The following RBMS1 variants were observed in gnomAD, a reference collection of about 807,000 sequenced individuals.
RBMS1 encodes the protein RNA-binding motif, single-stranded-interacting protein 1.
Under a neutral mutation model 62.3 loss-of-function variants are expected in RBMS1, and 17 were observed. The ratio of observed to expected loss-of-function variants is 0.27; its 90% CI spans 0.19 to 0.41. RBMS1 has a LOEUF of 0.41. RBMS1 is among the 10% of genes least tolerant of loss of function. The probability of loss-of-function intolerance (pLI) is 1.00; values close to 1 mark genes in which losing one functional copy is unlikely to be tolerated. For missense variants in RBMS1, 334 were observed against 504.5 expected (o/e 0.66, Z 3.24); for synonymous variants, 172 against 170.0 (o/e 1.01, Z -0.09).
At chr2:160,355,178 G>C (rs1348842796) in intron 2 of RBMS1, among the ~76,000 whole-genome samples, 1 of 152,072 alleles carries the variant, frequency 6.6e-6, no homozygotes, top group Non-Finnish European at 1.5e-5. Context: ...GACCATACAG[G>C]CTATCTCGAC....
At chr2:160,426,846 G>T (rs1682652612) in intron 1 of RBMS1, among the ~76,000 whole-genome samples, 1 of 139,690 alleles carries the variant, frequency 7.2e-6, no homozygotes, top group Non-Finnish European at 1.6e-5. Context: ...GGAGGGAGGG[G>T]AGCATGTCAG....
At chr2:160,407,224 G>C (rs913791690) in intron 1 of RBMS1, among the ~76,000 whole-genome samples, 14 of 152,090 alleles carry the variant, frequency 9.2e-5, no homozygotes, top group African/African-American at 3.1e-4. Flanking sequence ...TGCCCTCGCC[G>C]GCTCTCCGCT....
chr2:160,285,390 A>C (rs532885768), intron 7 of RBMS1, among the ~76,000 whole-genome samples: 41 of 152,300 alleles, frequency 2.7e-4, no homozygotes, highest in Non-Finnish European at 4.4e-4. Flanking sequence ...GTCCCATGTG[A>C]TAGTCATAAG....
chr2:160,344,481 T>C (rs939337477), intron 2 of RBMS1, among the ~76,000 whole-genome samples: 35 of 152,320 alleles, frequency 2.3e-4, no homozygotes, highest in African/African-American at 7.9e-4. Context: ...TTTTTTGTTG[T>C]TGTTATTTCT....
chr2:160,404,181 TC>T (rs1695576351), intron 1 of RBMS1, among the ~76,000 whole-genome samples: 1 of 152,214 alleles, frequency 6.6e-6, no homozygotes, highest in Non-Finnish European at 1.5e-5. Flanking sequence ...TACTCGGTTA[TC>T]ACTCCATTCA....
chr2:160,428,003 G>A (rs1186577074), intron 1 of RBMS1, among the ~76,000 whole-genome samples: 1 of 147,672 alleles, frequency 6.8e-6, no homozygotes, highest in African/African-American at 2.7e-5. Context: ...TCTGGTCTCT[G>A]TTTGTTAGTT....
intron 6 of RBMS1, among the ~76,000 whole-genome samples, chr2:160,294,449 G>C (rs1303918161): frequency 6.6e-6 from 1 of 152,144 alleles, no homozygotes; most frequent in East Asian, 1.9e-4. Flanking sequence ...TGCCACTCGG[G>C]TATGGAAAGA....
chr2:160,284,740 T>C, intron 9 of RBMS1, 35 bp downstream of exon 9: 1 of 1,414,724 alleles, frequency 7.1e-7, no homozygotes, highest in Admixed American at 1.7e-5. Flanking sequence ...GGTCCGCAAG[T>C]GGTTATACTG....
At chr2:160,348,634 C>A (rs747257223) in intron 2 of RBMS1, among the ~76,000 whole-genome samples, 5 of 152,120 alleles carry the variant, frequency 3.3e-5, no homozygotes, top group Non-Finnish European at 7.4e-5. Context: ...TCAAATACAG[C>A]ATATGACCTA....
intron 10 of RBMS1, among the ~76,000 whole-genome samples, chr2:160,279,954 T>A (rs1688019357): frequency 6.6e-6 from 1 of 152,194 alleles, no homozygotes; most frequent in Non-Finnish European, 1.5e-5. Flanking sequence ...AAAAAAGATA[T>A]AGATGTGTGT....
chr2:160,278,193 A>G, intron 11 of RBMS1: 1 of 254,060 alleles, frequency 3.9e-6, no homozygotes, highest in Non-Finnish European at 7.7e-6. Context: ...GAAATAAGCG[A>G]GAAATAATTC....
intron 1 of RBMS1, among the ~76,000 whole-genome samples, chr2:160,457,873 C>A (rs542488846): frequency 6.6e-6 from 1 of 151,800 alleles, no homozygotes; most frequent in Non-Finnish European, 1.5e-5. Context: ...CAGATTATTG[C>A]GTGAGGGCAA....
chr2:160,414,638 T>A lies in RBMS1; in HGVS notation c.76-47247A>T, dbSNP rs141118541. Among the ~76,000 whole-genome samples, 1,211 of 152,318 alleles carry A rather than the reference T, an allele frequency of 8.0e-3. 11 individuals carry two copies. Among genetic ancestry groups the A allele is most frequent in the African/African-American group, 0.026 (1,098 of 41,568 alleles). On this transcript the variant is annotated intron_variant, in intron 1 of 13. Coordinates refer to ENST00000348849, the MANE Select transcript of RBMS1 (RefSeq NM_016836.4). The stretch of plus-strand genomic sequence containing the variant: ...ATCTAATCTGTTCATAAATTAGTTA[T>A]TGCTCTGCTCTGGCATAATAGTTAA...
chr2:160,439,513 CG>C (rs1423294153), intron 1 of RBMS1, among the ~76,000 whole-genome samples: 1 of 151,318 alleles, frequency 6.6e-6, no homozygotes, highest in East Asian at 2.0e-4. Flanking sequence ...CGGGAGGAGG[CG>C]CTCCTCACTT....
intron 1 of RBMS1, among the ~76,000 whole-genome samples, chr2:160,441,559 A>G (rs2105304004): frequency 6.6e-6 from 1 of 152,308 alleles, no homozygotes; most frequent in South Asian, 2.1e-4. Context: ...CTGCATCTCT[A>G]TAAAAAATTT....
intron 5 of RBMS1, among the ~76,000 whole-genome samples, 184 bp from the exon 6 acceptor site, chr2:160,300,914 A>G (rs779664220): frequency 1.3e-5 from 2 of 152,228 alleles, no homozygotes; most frequent in Non-Finnish European, 1.5e-5. Context: ...TCTATAGTAA[A>G]ATGACAACTG....
chr2:160,457,446 TA>T (rs1445783822), intron 1 of RBMS1, among the ~76,000 whole-genome samples: 1 of 152,070 alleles, frequency 6.6e-6, no homozygotes. Flanking sequence ...TTGAAAGGAG[TA>T]AACTGAGGCT....
In RBMS1 at chr2:160,275,712, C is replaced by T; in HGVS notation, c.1146G>A (p.Glu382=). The T allele has an allele frequency of 1.2e-6, 2 of 1,613,708 alleles. No individual in the cohort carries two copies. Among genetic ancestry groups the T allele is most frequent in the South Asian group, 1.1e-5 (1 of 91,068 alleles). Residue 382 remains glutamate, a splice_region_variant and synonymous_variant, in exon 13 of 14, where the codon GAG becomes GAA. Transcript: ENST00000348849. ...CAGCCACCTGCTGTTGACCACTTGC[C>T]TCCTACAACAAACAAAGCAGAATGG... is the stretch of plus-strand genomic sequence containing the variant. ...HMQTTAVPVE[E]ASGQQQVAVE... is the part of the protein sequence containing the mutation.
chr2:160,351,881 A>G (rs1263154082), intron 2 of RBMS1, among the ~76,000 whole-genome samples: 2 of 152,180 alleles, frequency 1.3e-5, no homozygotes, highest in South Asian at 2.1e-4. Context: ...TCAAACAGAG[A>G]GCATGAGAAA....
Sources: allele counts gnomAD v4.1 joint callset (sites outside exome capture counted in the v4.1 genomes callset), GRCh38; gene constraint gnomAD v4.1.1; transcripts MANE v1.5; gene names NCBI Gene and HGNC (gene_info 2026-07-23, HGNC 2026-07-21).